The following MYT1 variants were observed in gnomAD, a reference collection of about 807,000 sequenced individuals.
MYT1 encodes the protein myelin transcription factor 1, also known as myelin transcription factor I.
In MYT1, 23 loss-of-function variants were observed where a neutral mutation model predicts 123.0. The observed-to-expected ratio is 0.19, with a 90% confidence interval of 0.13 to 0.26. MYT1 has a LOEUF of 0.26. MYT1 is among the 10% of genes least tolerant of loss of function. The pLI is 1.00. For synonymous variants in MYT1, 518 were observed against 575.3 expected (o/e 0.90, Z 1.43); for missense variants, 1,125 against 1,472.5 (o/e 0.76, Z 3.86).
At chr20:64,204,625 C>A (rs944565297) in intron 4 of MYT1, among the ~76,000 whole-genome samples, 2 of 152,176 alleles carry the variant, frequency 1.3e-5, no homozygotes, top group Non-Finnish European at 2.9e-5. Context: ...GGGCCATAGG[C>A]CTTATGGCAT....
intron 2 of MYT1, among the ~76,000 whole-genome samples, chr20:64,195,592 C>T (rs538853316): frequency 5.3e-5 from 8 of 151,938 alleles, no homozygotes; most frequent in Admixed American, 5.2e-4. Flanking sequence ...GATGGGGTTT[C>T]ACCCTGTTGG....
chr20:64,172,741 C>CTTTTTTTT (rs33943131), intron 1 of MYT1, among the ~76,000 whole-genome samples: 20 of 95,556 alleles, frequency 2.1e-4, no homozygotes, highest in South Asian at 3.6e-4. Context: ...GCCATACCCT[C>CTTTTTTTT]TTTTTTTTTT....
At position 64,191,350 on chromosome 20, in the gene MYT1, C is replaced by T. The variant is rs1482861658; in HGVS notation, c.-1+1190C>T. On this transcript the variant is annotated intron_variant, in intron 2 of 22. Transcript: ENST00000328439. This position sits in a 1 kb window ranked among gnomAD's most constrained non-coding sequence, Gnocchi z 4.1. ...ACCCTCTAATTCTAGAACTTCCCAC[C>T]AATACTCTCTGGATGAGGCCAGGTC... is the stretch of plus-strand genomic sequence containing the variant. 6.6e-6 allele frequency: 1 copy of T among 152,278 alleles called. No individual in the cohort carries two copies. Among genetic ancestry groups the T allele is most frequent in the Non-Finnish European group, 1.5e-5 (1 of 68,080 alleles). 9.4% of individuals were successfully genotyped at this position (152,278 alleles called of 1,614,324 possible).
At chr20:64,182,583 A>G (rs1457372850) in intron 1 of MYT1, among the ~76,000 whole-genome samples, 1 of 152,156 alleles carries the variant, frequency 6.6e-6, no homozygotes, top group Admixed American at 6.5e-5. Flanking sequence ...GGGAGGGTGA[A>G]GTGGACCCAA....
At position 64,240,351 on chromosome 20, in the gene MYT1, A is replaced by C. The variant is rs1601729073; in HGVS notation, c.3269A>C (p.Tyr1090Ser). The change falls in exon 23 of 23, where the codon TAT (tyrosine) becomes TCT (serine). Residue 1090 changes from tyrosine (Y) to serine (S), a missense_variant. Around this residue, in one of 4 missense-constraint regions of MYT1, gnomAD observed 243 missense variants for 323.1 expected, o/e 0.75. Transcript: ENST00000328439. ...ATATGCGAACAGAATTTCGATGCCTATGTGAGCACCCTCACCGACATGTAC... is the reference window on the plus strand; with the variant it reads ...ATATGCGAACAGAATTTCGATGCCTCTGTGAGCACCCTCACCGACATGTAC... ...EPICEQNFDAYVSTLTDMYSN... is the reference protein window; with the variant it reads ...EPICEQNFDASVSTLTDMYSN... The C allele has an allele frequency of 6.2e-7, 1 of 1,614,080 alleles. No individual in the cohort carries two copies. The highest frequency in any genetic ancestry group is 8.5e-7 in the Non-Finnish European group (1 of 1,180,020).
chr20:64,195,027 C>T (rs988243791), intron 2 of MYT1, among the ~76,000 whole-genome samples: 6 of 152,122 alleles, frequency 3.9e-5, no homozygotes, highest in Non-Finnish European at 8.8e-5. Context: ...TCCCAGGTAG[C>T]TGGGACTACA....
intron 21 of MYT1, among the ~76,000 whole-genome samples, chr20:64,239,091 C>G (rs1252529712): frequency 1.3e-5 from 2 of 152,248 alleles, no homozygotes; most frequent in African/African-American, 4.8e-5. Flanking sequence ...CCGTGGCTCC[C>G]TGCAGATGTG....
At chr20:64,183,245 T>G (rs1982702550) in intron 1 of MYT1, among the ~76,000 whole-genome samples, 1 of 152,254 alleles carries the variant, frequency 6.6e-6, no homozygotes, top group Admixed American at 6.5e-5. Context: ...TGCCAAAGAC[T>G]GTGCCACTGT....
In MYT1 at chr20:64,213,041, G is replaced by T. The variant is rs1199435791; in HGVS notation, c.1518-493G>T. 6.6e-6 allele frequency among the ~76,000 whole-genome samples: 1 copy of T among 152,196 alleles called. No individual in the cohort carries two copies. Among genetic ancestry groups the T allele is most frequent in the Non-Finnish European group, 1.5e-5 (1 of 68,028 alleles). ...AGCTGCTGCCTCCGTGTCTTAGACT[G>T]AGTACTTTCCTGGGCCTGTGTCATC... On this transcript the variant is annotated intron_variant, in intron 9 of 22. Transcript: ENST00000328439. The surrounding 1 kb of genome is among the most constrained non-coding windows in gnomAD (Gnocchi z 5.6).
At chr20:64,194,186 C>A (rs1983041218) in intron 2 of MYT1, among the ~76,000 whole-genome samples, 1 of 152,206 alleles carries the variant, frequency 6.6e-6, no homozygotes, top group South Asian at 2.1e-4. Context: ...TGAATGAGCT[C>A]ATTTCAGATT....
At chr20:64,170,570 C>A (rs750050104) in intron 1 of MYT1, among the ~76,000 whole-genome samples, 2 of 151,936 alleles carry the variant, frequency 1.3e-5, no homozygotes, top group African/African-American at 4.8e-5. Flanking sequence ...GAGGTTGAGC[C>A]CTGCCTTCTG....
chr20:64,198,408 T>A (rs1190126249), intron 2 of MYT1, among the ~76,000 whole-genome samples: 1 of 151,476 alleles, frequency 6.6e-6, no homozygotes, highest in Non-Finnish European at 1.5e-5. Flanking sequence ...GCACTGCCGC[T>A]GGTGGCTGAG....
Position 64,219,019 on chromosome 20 carries a change from A to G in MYT1, c.1955A>G (p.Gln652Arg). The change falls in exon 12 of 23, where the codon CAG (glutamine) becomes CGG (arginine). Residue 652 changes from glutamine to arginine, a missense_variant. By Grantham distance (43) the Gln-to-Arg change is conservative. This residue lies in a region of MYT1 where 429 missense variants were observed against 604.1 expected (regional missense o/e 0.71). Transcript: ENST00000328439. The stretch of plus-strand genomic sequence containing the variant: ...CCTGAGAACCTCAGCACGAAGCCAC[A>G]GGACCTCCCCAGCAAGGTTAGTACA... ...EMPENLSTKP[Q>R]DLPSKSVDIE... 5 of 1,613,488 alleles carry G rather than the reference A, an allele frequency of 3.1e-6. No individual in the cohort carries two copies. Among genetic ancestry groups the G allele is most frequent in the Non-Finnish European group, 4.2e-6 (5 of 1,179,870 alleles).
chr20:64,205,309 C>T (rs1035971482), intron 5 of MYT1, among the ~76,000 whole-genome samples: 5 of 140,452 alleles, frequency 3.6e-5, no homozygotes, highest in South Asian at 2.9e-4. Flanking sequence ...TGACCTCCCG[C>T]GAGGCAGCGA....
Position 64,186,810 on chromosome 20 carries a change from CT to C in MYT1, c.-98-3252del, listed in dbSNP as rs1340609467. On this transcript the variant is annotated intron_variant, in intron 1 of 22. Coordinates refer to ENST00000328439, the MANE Select transcript of MYT1 (RefSeq NM_004535.3). This position sits in a 1 kb window ranked among gnomAD's most constrained non-coding sequence, Gnocchi z 4.3. Reference sequence around the variant, plus strand: ...TTTCCGTGGAGACTTTTCCTGTAGCCTGTGGCCCCGGCATCCACGTTTCCGT... The same window carrying C: ...TTTCCGTGGAGACTTTTCCTGTAGCCGTGGCCCCGGCATCCACGTTTCCGT... 6.7e-6 allele frequency among the ~76,000 whole-genome samples: 1 copy of C among 149,800 alleles called. No homozygotes were observed. Among genetic ancestry groups the C allele is most frequent in the Non-Finnish European group, 1.5e-5 (1 of 67,424 alleles).
intron 1 of MYT1, among the ~76,000 whole-genome samples, chr20:64,171,365 G>A (rs943313920): frequency 6.6e-6 from 1 of 152,200 alleles, no homozygotes; most frequent in African/African-American, 2.4e-5. Flanking sequence ...GGCATTCAGG[G>A]AAGCAATCCC....
intron 2 of MYT1, among the ~76,000 whole-genome samples, chr20:64,195,401 C>CCTTTTTT (rs1983086596): frequency 9.6e-6 from 1 of 104,016 alleles, no homozygotes; most frequent in Non-Finnish European, 1.8e-5. Context: ...TGTGTGTATA[C>CCTTTTTT]TTTTTTTTTT....
intron 6 of MYT1, among the ~76,000 whole-genome samples, chr20:64,207,131 G>A (rs992434362): frequency 3.9e-5 from 6 of 152,060 alleles, no homozygotes; most frequent in Admixed American, 3.9e-4. Flanking sequence ...TGATCCGCCC[G>A]CCTCGGCCTC....
intron 1 of MYT1, among the ~76,000 whole-genome samples, chr20:64,172,543 GC>G (rs1465131354): frequency 6.6e-6 from 1 of 152,110 alleles, no homozygotes; most frequent in Non-Finnish European, 1.5e-5. Context: ...GAAGGAGATG[GC>G]CATTTCCTTT....
Sources: gnomAD v4.1 joint callset for allele counts (sites outside exome capture counted in the v4.1 genomes callset) on GRCh38, gnomAD v4.1.1 for gene constraint, gnomAD v4.1.1 regional missense constraint, Gnocchi (gnomAD v3.1) non-coding constraint, MANE v1.5 for transcripts, NCBI Gene and HGNC (gene_info 2026-07-23, HGNC 2026-07-21) for gene names.